PBX3: variants seen among roughly 807,000 people sequenced by gnomAD.
PBX3 encodes pre-B-cell leukemia transcription factor 3.
PBX3 carries 14 observed loss-of-function variants against 48.5 expected under a neutral mutation model. That is an observed-to-expected ratio of 0.29 (90% CI 0.19 to 0.45). The LOEUF (loss-of-function observed/expected upper bound fraction) is 0.45. Ranked by LOEUF, PBX3 falls within the 20% of genes least tolerant of loss-of-function variation. PBX3 has a pLI of 1.00. For synonymous variants in PBX3, 210 were observed against 200.3 expected (o/e 1.05, Z -0.41); for missense variants, 386 against 546.7 (o/e 0.71, Z 2.93).
chr9:125,895,159 C>T (rs1055762368), intron 2 of PBX3, among the ~76,000 whole-genome samples: 2 of 152,004 alleles, frequency 1.3e-5, no homozygotes, highest in Admixed American at 6.6e-5. Flanking sequence ...CTAGATTTGG[C>T]ACAGCATTGT....
chr9:125,907,311 C>T (rs751621607), intron 2 of PBX3, among the ~76,000 whole-genome samples: 1 of 151,802 alleles, frequency 6.6e-6, no homozygotes, highest in Non-Finnish European at 1.5e-5. Flanking sequence ...CAGATTTGAC[C>T]ATTTAATGAA....
At position 125,833,998 on chromosome 9, in the gene PBX3, C is replaced by G. The variant is rs369469999; in HGVS notation, c.275-81688C>G. ...GTTCCAATTTCAGTTTAACTTTAAA[C>G]AGTATCATTAATTGGATAAACACTG... On this transcript the variant is annotated intron_variant, in intron 2 of 8. Transcript: ENST00000373489. Among the ~76,000 whole-genome samples the G allele has an allele frequency of 2.6e-5, 4 of 152,288 alleles. No individual in the cohort carries two copies. In the East Asian group the frequency reaches 7.7e-4, roughly 29 times the overall value.
At chr9:125,926,775 G>A (rs763621874) in intron 3 of PBX3, among the ~76,000 whole-genome samples, 3 of 152,164 alleles carry the variant, frequency 2.0e-5, no homozygotes, top group Non-Finnish European at 4.4e-5. Flanking sequence ...AGCCAAGATC[G>A]TGCCATTGCA....
chr9:125,839,461 G>A (rs1193339773), intron 2 of PBX3, among the ~76,000 whole-genome samples: 1 of 152,150 alleles, frequency 6.6e-6, no homozygotes, highest in Non-Finnish European at 1.5e-5. Context: ...AAAGAAAGAG[G>A]AAGGAAACAG....
intron 2 of PBX3, among the ~76,000 whole-genome samples, chr9:125,773,867 A>G (rs554910837): frequency 1.3e-5 from 2 of 152,350 alleles, no homozygotes; most frequent in South Asian, 2.1e-4. Context: ...TAAAATTTGC[A>G]TAACCTAAAA....
At chr9:125,945,086 T>C (rs1173145494) in intron 5 of PBX3, among the ~76,000 whole-genome samples, 2 of 152,018 alleles carry the variant, frequency 1.3e-5, no homozygotes, top group Admixed American at 6.6e-5. Flanking sequence ...TAGCTGGGCA[T>C]GGTGGCGCAT....
chr9:125,933,736 T>C (rs1218964085), intron 4 of PBX3, among the ~76,000 whole-genome samples: 1 of 152,096 alleles, frequency 6.6e-6, no homozygotes, highest in Admixed American at 6.5e-5. Flanking sequence ...ATGGGCCCAG[T>C]ACTGTTGGTA....
intron 2 of PBX3, among the ~76,000 whole-genome samples, chr9:125,789,066 A>G (rs1837532879): frequency 6.6e-6 from 1 of 152,100 alleles, no homozygotes; most frequent in Non-Finnish European, 1.5e-5. Flanking sequence ...CTCAACACTT[A>G]TTTTAAGATT....
chr9:125,841,120 T>A (rs1482064668), intron 2 of PBX3, among the ~76,000 whole-genome samples: 1 of 152,172 alleles, frequency 6.6e-6, no homozygotes, highest in African/African-American at 2.4e-5. Context: ...TGATTATTCC[T>A]ATTTTTCACA....
intron 2 of PBX3, among the ~76,000 whole-genome samples, chr9:125,849,879 A>G (rs1013155757): frequency 7.9e-5 from 12 of 152,000 alleles, no homozygotes; most frequent in South Asian, 4.1e-4. Context: ...CTTAATCAAC[A>G]GTGTAACTGT....
intron 2 of PBX3, among the ~76,000 whole-genome samples, chr9:125,898,682 T>C (rs1255556111): frequency 6.6e-6 from 1 of 151,808 alleles, no homozygotes; most frequent in East Asian, 1.9e-4. Context: ...AGAGCAGATA[T>C]GAAGTGAAGA....
intron 2 of PBX3, among the ~76,000 whole-genome samples, chr9:125,848,393 A>G (rs922776216): frequency 1.3e-5 from 2 of 152,000 alleles, no homozygotes; most frequent in African/African-American, 2.4e-5. Flanking sequence ...GATCACATCT[A>G]GTTTCATGCA....
In PBX3 at chr9:125,851,896, A is replaced by G. The variant is rs1588219007; in HGVS notation, c.275-63790A>G. 2.1e-5 allele frequency among the ~76,000 whole-genome samples: 3 copies of G among 144,208 alleles called. No homozygotes were observed. In the South Asian group the frequency reaches 6.6e-4, roughly 32 times the overall value. 94.6% of individuals were successfully genotyped at this position (144,208 alleles called of 152,430 possible). A position where few individuals can be genotyped will look rare whatever the true frequency, so the allele number is the denominator to read the frequency against. ...TTTTTTTTTTTTTTTTTTTACAAAG[A>G]GGCAGCTCCATTTTATTTTATTAGC... On this transcript the variant is annotated intron_variant, in intron 2 of 8. Coordinates refer to ENST00000373489, the MANE Select transcript of PBX3 (RefSeq NM_006195.6).
chr9:125,795,133 G>A (rs939518052), intron 2 of PBX3, among the ~76,000 whole-genome samples: 8 of 152,226 alleles, frequency 5.3e-5, no homozygotes, highest in Admixed American at 2.0e-4. Context: ...TGTTCTTTGC[G>A]TCCATGCTCC....
At chr9:125,953,195 A>G (rs1359162701) in intron 5 of PBX3, among the ~76,000 whole-genome samples, 1 of 152,118 alleles carries the variant, frequency 6.6e-6, no homozygotes, top group Non-Finnish European at 1.5e-5. Context: ...AGTAGGACTA[A>G]GGGGCCAGGC....
chr9:125,781,524 G>T (rs1588141058), intron 2 of PBX3, among the ~76,000 whole-genome samples: 1 of 147,572 alleles, frequency 6.8e-6, no homozygotes, highest in South Asian at 2.2e-4. Context: ...GAGAGGGAGA[G>T]GGTGACCGAG....
At chr9:125,954,371 A>G (rs1842257258) in intron 5 of PBX3, among the ~76,000 whole-genome samples, 1 of 152,252 alleles carries the variant, frequency 6.6e-6, no homozygotes. Flanking sequence ...CCTTATAATT[A>G]CAGGAAATAA....
chr9:125,778,702 C>T (rs1023386758), intron 2 of PBX3, among the ~76,000 whole-genome samples: 7 of 149,938 alleles, frequency 4.7e-5, no homozygotes, highest in South Asian at 2.1e-4. Context: ...AGACACAGCC[C>T]GTGTCTCCCC....
At chr9:125,792,074 G>A (rs556063971) in intron 2 of PBX3, among the ~76,000 whole-genome samples, 5 of 125,156 alleles carry the variant, frequency 4.0e-5, no homozygotes, top group African/African-American at 1.6e-4. Context: ...ACGCACGCAC[G>A]CATATAAATA....
Sources: allele counts gnomAD v4.1 joint callset (sites outside exome capture counted in the v4.1 genomes callset), GRCh38; gene constraint gnomAD v4.1.1; transcripts MANE v1.5; gene names NCBI Gene and HGNC (gene_info 2026-07-23, HGNC 2026-07-21).